GALNT11: variants seen among roughly 807,000 people sequenced by gnomAD.
The protein encoded by GALNT11 is polypeptide N-acetylgalactosaminyltransferase 11.
Under a neutral mutation model 72.7 loss-of-function variants are expected in GALNT11, and 47 were observed. The ratio of observed to expected loss-of-function variants is 0.65; its 90% CI spans 0.51 to 0.82. The LOEUF is 0.82. Among genes scored for constraint, GALNT11 ranks in the 40% least tolerant of loss-of-function variants. The probability of loss-of-function intolerance (pLI) is 0.00; values close to 1 mark genes in which losing one functional copy is unlikely to be tolerated. For synonymous variants in GALNT11, 270 were observed against 286.6 expected, an observed-to-expected ratio of 0.94 and a Z score of 0.58; for missense variants, 677 against 778.4, an observed-to-expected ratio of 0.87 and a Z score of 1.55.
intron 1 of GALNT11, among the ~76,000 whole-genome samples, chr7:152,084,196 CTT>C (rs1383821422): frequency 6.6e-6 from 1 of 150,488 alleles, no homozygotes; most frequent in Non-Finnish European, 1.5e-5. Context: ...TCTTTTATGA[CTT>C]TCTTTGGGAC....
At chr7:152,063,930 A>G (rs553637907) in intron 1 of GALNT11, among the ~76,000 whole-genome samples, 15 of 152,218 alleles carry the variant, frequency 9.9e-5, no homozygotes, top group Non-Finnish European at 2.1e-4. Context: ...AAGAATGTAT[A>G]TTCTGTTGAT....
chr7:152,072,805 A>C (rs2084736850), intron 1 of GALNT11, among the ~76,000 whole-genome samples: 1 of 152,212 alleles, frequency 6.6e-6, no homozygotes, highest in African/African-American at 2.4e-5. Flanking sequence ...TAGGGACCTC[A>C]TGCGTAAAGG....
At chr7:152,106,849 A>G (rs1799510397) in intron 5 of GALNT11, among the ~76,000 whole-genome samples, 1 of 152,174 alleles carries the variant, frequency 6.6e-6, no homozygotes, top group Non-Finnish European at 1.5e-5. Flanking sequence ...TAATTGGAAA[A>G]AGTAACACTT....
chr7:152,056,429 C>T (rs901864638), intron 1 of GALNT11, among the ~76,000 whole-genome samples: 2 of 152,170 alleles, frequency 1.3e-5, no homozygotes, highest in African/African-American at 4.8e-5. Context: ...TATCCTATCC[C>T]TTGGGTGAGA....
At chr7:152,117,439 T>G in intron 9 of GALNT11, 64 bp downstream of exon 9, 1 of 1,503,166 alleles carries the variant, frequency 6.7e-7, no homozygotes, top group South Asian at 1.1e-5. Context: ...TTTTGAGGTG[T>G]CCATAAGCTA....
chr7:152,062,098 A>G (rs1271835002), intron 1 of GALNT11, among the ~76,000 whole-genome samples: 2 of 152,170 alleles, frequency 1.3e-5, no homozygotes, highest in African/African-American at 4.8e-5. Context: ...GATTCTTCCT[A>G]TCCATGAGCA....
intron 5 of GALNT11, among the ~76,000 whole-genome samples, chr7:152,106,687 A>C (rs2087593152): frequency 6.6e-6 from 1 of 152,120 alleles, no homozygotes; most frequent in Non-Finnish European, 1.5e-5. Flanking sequence ...TTTTTTTTAG[A>C]TAGCAATAGC....
intron 1 of GALNT11, among the ~76,000 whole-genome samples, chr7:152,053,729 C>G (rs952821350): frequency 6.6e-6 from 1 of 152,174 alleles, no homozygotes; most frequent in Non-Finnish European, 1.5e-5. Flanking sequence ...CTGGGTGGCT[C>G]AAGCCTATAA....
intron 1 of GALNT11, among the ~76,000 whole-genome samples, chr7:152,087,252 T>C (rs1304155310): frequency 5.3e-5 from 8 of 152,174 alleles, no homozygotes; most frequent in African/African-American, 1.9e-4. Flanking sequence ...AGTGGGTGGA[T>C]TGAAGTTTTA....
intron 1 of GALNT11, among the ~76,000 whole-genome samples, chr7:152,055,256 ACAC>A (rs1254458901): frequency 1.3e-5 from 2 of 152,170 alleles, no homozygotes; most frequent in Non-Finnish European, 1.5e-5. Flanking sequence ...TTTTAGGAAA[ACAC>A]AATTCATCCC....
intron 5 of GALNT11, chr7:152,107,327 G>C (rs2087680086): frequency 6.6e-6 from 1 of 152,066 alleles, no homozygotes; most frequent in East Asian, 1.9e-4. Context: ...TGATTTATAT[G>C]TTGCTAACTA....
At chr7:152,033,663 C>G (rs2082413869) in intron 1 of GALNT11, among the ~76,000 whole-genome samples, 1 of 152,208 alleles carries the variant, frequency 6.6e-6, no homozygotes, top group Non-Finnish European at 1.5e-5. Flanking sequence ...TGGTAGACAT[C>G]ATTGAATAAT....
At chr7:152,028,503 A>G (rs1214750655) in intron 1 of GALNT11, among the ~76,000 whole-genome samples, 1 of 152,030 alleles carries the variant, frequency 6.6e-6, no homozygotes, top group Non-Finnish European at 1.5e-5. Context: ...CTTTAGCTAG[A>G]CTGAAAAGTT....
At chr7:152,107,747 ACT>A (rs1287357348) in intron 5 of GALNT11, 1 of 256,724 alleles carries the variant, frequency 3.9e-6, no homozygotes, top group African/African-American at 2.1e-5. Context: ...TGAGACTTTG[ACT>A]CTGTTTACTG....
chr7:152,044,501 G>C (rs1395041001), intron 1 of GALNT11, among the ~76,000 whole-genome samples: 1 of 152,162 alleles, frequency 6.6e-6, no homozygotes, highest in African/African-American at 2.4e-5. Context: ...TTGGGGGCCT[G>C]TTCCGAACAG....
chr7:152,026,894 T>C (rs1384663955), intron 1 of GALNT11, among the ~76,000 whole-genome samples: 1 of 152,198 alleles, frequency 6.6e-6, no homozygotes, highest in Middle Eastern at 3.2e-3. Flanking sequence ...GCTCTCAGGA[T>C]CTCTTGAGGG....
chr7:152,090,902 G>A (rs1429618632), intron 1 of GALNT11, among the ~76,000 whole-genome samples: 3 of 152,142 alleles, frequency 2.0e-5, no homozygotes, highest in Non-Finnish European at 4.4e-5. Context: ...ATTATGGGGT[G>A]TATAGCTGGA....
intron 1 of GALNT11, among the ~76,000 whole-genome samples, chr7:152,073,715 A>G (rs1261242958): frequency 1.3e-5 from 2 of 152,120 alleles, no homozygotes; most frequent in African/African-American, 2.4e-5. Context: ...AGGAGCCTCT[A>G]TACTGTTTTC....
intron 2 of GALNT11, among the ~76,000 whole-genome samples, chr7:152,096,399 C>T (rs900395130): frequency 2.0e-5 from 3 of 152,216 alleles, no homozygotes; most frequent in Non-Finnish European, 2.9e-5. Context: ...CAAAAACTTT[C>T]GTACATCAAA....
Sources: allele counts gnomAD v4.1 joint callset (sites outside exome capture counted in the v4.1 genomes callset), GRCh38; gene constraint gnomAD v4.1.1; transcripts MANE v1.5; gene names NCBI Gene and HGNC (gene_info 2026-07-23, HGNC 2026-07-21).